The following NTM variants were observed in gnomAD, a reference collection of about 807,000 sequenced individuals.
The protein encoded by NTM is IgLON family member 2.
NTM carries 13 observed loss-of-function variants against 42.1 expected under a neutral mutation model. The ratio of observed to expected loss-of-function variants is 0.31; its 90% confidence interval spans 0.20 to 0.49. The LOEUF is 0.49. Among genes scored for constraint, NTM ranks in the 20% least tolerant of loss-of-function variants. The probability of loss-of-function intolerance (pLI) is 0.99; values close to 1 mark genes in which losing one functional copy is unlikely to be tolerated. For synonymous variants in NTM, 187 were observed against 179.2 expected, an observed-to-expected ratio of 1.04 and a Z score of -0.35; for missense variants, 373 against 452.8, an observed-to-expected ratio of 0.82 and a Z score of 1.60.
At chr11:132,098,424 A>G (rs2136510567) in intron 2 of NTM, among the ~76,000 whole-genome samples, 1 of 152,300 alleles carries the variant, frequency 6.6e-6, no homozygotes, top group Non-Finnish European at 1.5e-5. Context: ...CTATTCTGAA[A>G]CTTCTGGGGT....
intron 1 of NTM, among the ~76,000 whole-genome samples, chr11:131,854,888 GT>G (rs1405586282): frequency 6.6e-6 from 1 of 152,120 alleles, no homozygotes; most frequent in African/African-American, 2.4e-5. Context: ...CAAAACTTCT[GT>G]TTCTAAAAGA....
chr11:131,911,397 T>C (rs1041909628), intron 1 of NTM, 167 bp from the exon 2 acceptor site: 4 of 1,594,498 alleles, frequency 2.5e-6, no homozygotes, highest in South Asian at 1.1e-5. Flanking sequence ...CCGCGCTCGC[T>C]CCGCACCCCA....
rs547335173 is a variant in NTM, at chr11:131,588,206, A to G, written c.82+217318A>G. 3.3e-5 allele frequency among the ~76,000 whole-genome samples: 5 copies of G among 152,356 alleles called. No homozygotes were observed. In the East Asian group the frequency reaches 9.6e-4, roughly 29 times the overall value. On this transcript the variant is annotated intron_variant, in intron 1 of 8. Coordinates refer to ENST00000683400, the MANE Select transcript of NTM (RefSeq NM_001352005.2). The stretch of plus-strand genomic sequence containing the variant: ...AGAGATCTGCTGCAAGCTCACTCAA[A>G]TGACTGTTGGCAGGTTTTGGTCCCT...
chr11:132,029,846 G>A (rs1470499832), intron 2 of NTM, among the ~76,000 whole-genome samples: 3 of 152,122 alleles, frequency 2.0e-5, no homozygotes, highest in Non-Finnish European at 2.9e-5. Context: ...TGTTATTCAT[G>A]AGGAAAGAAT....
At chr11:132,041,205 G>C (rs1429309829) in intron 2 of NTM, among the ~76,000 whole-genome samples, 1 of 118,216 alleles carries the variant, frequency 8.5e-6, no homozygotes, top group Non-Finnish European at 1.8e-5. Context: ...GTGGGTGTGT[G>C]TGTGTGAGAG....
At chr11:131,880,305 TCA>T (rs2137259423) in intron 1 of NTM, among the ~76,000 whole-genome samples, 1 of 152,312 alleles carries the variant, frequency 6.6e-6, no homozygotes, top group African/African-American at 2.4e-5. Context: ...CTAGTCATGC[TCA>T]GTTCCACAGC....
Position 132,320,891 on chromosome 11 carries a change from G to GGGA in NTM, c.934+6191_934+6193dup, listed in dbSNP as rs1314559487. Among the ~76,000 whole-genome samples the GGGA allele has an allele frequency of 5.9e-5, 9 of 151,700 alleles. No homozygotes were observed. In the South Asian group the frequency reaches 1.9e-3, roughly 32 times the overall value. ...CCCCTGACCCCCGAGCAGCCTAACTGGGAGGCACCCCCCAGCAGGGCCACA... is the reference window on the plus strand; with the variant it reads ...CCCCTGACCCCCGAGCAGCCTAACTGGGAGGAGGCACCCCCCAGCAGGGCCACA... On this transcript the variant is annotated intron_variant, in intron 7 of 8. Transcript: ENST00000683400.
intron 3 of NTM, among the ~76,000 whole-genome samples, chr11:132,188,691 G>A (rs2078823908): frequency 6.6e-6 from 1 of 152,126 alleles, no homozygotes; most frequent in African/African-American, 2.4e-5. Context: ...TTCCCCATGA[G>A]GGTGAGATGG....
intron 2 of NTM, among the ~76,000 whole-genome samples, chr11:131,944,861 G>T (rs778141893): frequency 6.6e-6 from 1 of 152,162 alleles, no homozygotes; most frequent in Non-Finnish European, 1.5e-5. Flanking sequence ...CCAAAACACT[G>T]CTCCTGGGAT....
intron 8 of NTM, among the ~76,000 whole-genome samples, chr11:132,334,652 A>G (rs1041706007): frequency 5.3e-5 from 8 of 152,154 alleles, no homozygotes; most frequent in Admixed American, 4.6e-4. Flanking sequence ...GGCAGTGCTC[A>G]GAAGTGGATG....
chr11:131,521,890 C>A (rs1238383746), intron 1 of NTM, among the ~76,000 whole-genome samples: 1 of 152,128 alleles, frequency 6.6e-6, no homozygotes, highest in Non-Finnish European at 1.5e-5. Context: ...CTGCTTCCCC[C>A]TTTGTAATTG....
intron 4 of NTM, among the ~76,000 whole-genome samples, chr11:132,283,943 G>A (rs376832965): frequency 3.7e-4 from 56 of 152,174 alleles, no homozygotes; most frequent in East Asian, 7.8e-4. Context: ...CCTCCATCCC[G>A]CCCTTTTCCT....
intron 1 of NTM, among the ~76,000 whole-genome samples, chr11:131,596,776 T>C (rs1222347861): frequency 6.6e-6 from 1 of 152,240 alleles, no homozygotes. Flanking sequence ...CTCAGTGTAT[T>C]AGTCAGGGTT....
At chr11:132,178,865 G>A (rs917117308) in intron 3 of NTM, among the ~76,000 whole-genome samples, 3 of 152,170 alleles carry the variant, frequency 2.0e-5, no homozygotes, top group Admixed American at 2.0e-4. Context: ...AAATGAAAAT[G>A]TAGGTTAATA....
chr11:131,686,607 G>C (rs1022768429), intron 1 of NTM, among the ~76,000 whole-genome samples: 4 of 152,160 alleles, frequency 2.6e-5, no homozygotes, highest in Admixed American at 6.5e-5. Flanking sequence ...GGCACTCTTG[G>C]TGTAACTTTT....
At chr11:131,968,001 A>G (rs1001308384) in intron 2 of NTM, among the ~76,000 whole-genome samples, 9 of 152,164 alleles carry the variant, frequency 5.9e-5, no homozygotes, top group Non-Finnish European at 1.0e-4. Flanking sequence ...CATTATACCA[A>G]CCGTATATAG....
chr11:132,275,738 ATATATATATG>A (rs1565363161), intron 4 of NTM, among the ~76,000 whole-genome samples: 61 of 66,512 alleles, frequency 9.2e-4, no homozygotes, highest in South Asian at 2.1e-3. Flanking sequence ...ATATATACGT[ATATATATATG>A]TGTATATATA....
intron 1 of NTM, among the ~76,000 whole-genome samples, chr11:131,821,007 C>T (rs1565593250): frequency 6.7e-6 from 1 of 149,818 alleles, no homozygotes; most frequent in African/African-American, 2.5e-5. Context: ...AGCAGTAACA[C>T]CAAGATGCCT....
At chr11:131,729,834 T>C (rs1330882682) in intron 1 of NTM, among the ~76,000 whole-genome samples, 1 of 152,230 alleles carries the variant, frequency 6.6e-6, no homozygotes, top group Non-Finnish European at 1.5e-5. Flanking sequence ...TCAATTGAAA[T>C]TGTTATCAGT....
Sources: gnomAD v4.1 joint callset for allele counts (sites outside exome capture counted in the v4.1 genomes callset) on GRCh38, gnomAD v4.1.1 for gene constraint, MANE v1.5 for transcripts, NCBI Gene and HGNC (gene_info 2026-07-23, HGNC 2026-07-21) for gene names.